Variants in DAP observed in about 807,000 individuals in gnomAD.
DAP encodes death-associated protein 1.
A neutral mutation model predicts 13.8 loss-of-function variants in DAP; 8 were observed. The ratio of observed to expected loss-of-function variants is 0.58; its 90% CI spans 0.34 to 1.05. DAP has a LOEUF of 1.05. Among genes scored for constraint, DAP ranks in the 50% least tolerant of loss-of-function variants. The pLI, the probability that DAP is intolerant of heterozygous loss-of-function variation, is 0.03. For synonymous variants in DAP, 47 were observed against 47.5 expected (o/e 0.99, Z 0.04); for missense variants, 106 against 133.2 (o/e 0.80, Z 1.01).
At chr5:10,741,890 A>G (rs1035035844) in intron 2 of DAP, among the ~76,000 whole-genome samples, 1 of 152,214 alleles carries the variant, frequency 6.6e-6, no homozygotes, top group Non-Finnish European at 1.5e-5. Flanking sequence ...TACTGTACAC[A>G]ATGTGCTTCT....
rs1159553722 is a variant in DAP, at chr5:10,679,475, T to A, written c.*1581A>T. On this transcript the variant is annotated 3_prime_UTR_variant, in exon 4 of 4. Transcript: ENST00000230895. ...GGCAGGGCAGGGGTCTGCACAGGCC[T>A]GACCTGGTGTTGCTGGAGCGCGGCA... The A allele has an allele frequency of 2.0e-5, 3 of 152,432 alleles. No individual in the cohort carries two copies. The highest frequency in any genetic ancestry group is 4.4e-5 in the Non-Finnish European group (3 of 68,098). The allele number at this position is 152,432 out of a possible 1,614,324, so 9.4% of individuals were successfully genotyped here.
chr5:10,726,647 T>C (rs1368929357), intron 2 of DAP, among the ~76,000 whole-genome samples: 2 of 152,228 alleles, frequency 1.3e-5, no homozygotes, highest in Non-Finnish European at 2.9e-5. Context: ...AGGCGAGTCA[T>C]ATCACCCTCC....
intron 2 of DAP, among the ~76,000 whole-genome samples, chr5:10,694,408 A>ACG (rs1398641313): frequency 3.9e-5 from 6 of 151,972 alleles, no homozygotes; most frequent in East Asian, 3.9e-4. Context: ...ACACACACAC[A>ACG]CGCACATACA....
At position 10,720,923 on chromosome 5, in the gene DAP, T is replaced by C. The variant is rs576319045; in HGVS notation, c.152+27252A>G. ...AGCCGTGGACTCGCGGAATGCCTTA[T>C]CCACTGTCATGGTATTCCAAACAGT... On this transcript the variant is annotated intron_variant, in intron 2 of 3. Coordinates refer to ENST00000230895, the MANE Select transcript of DAP (RefSeq NM_004394.3). Among the ~76,000 whole-genome samples, 4 of 152,338 alleles carry C rather than the reference T, an allele frequency of 2.6e-5. No homozygotes were observed. The South Asian group carries it at 8.3e-4, about 32-fold the overall frequency.
intron 2 of DAP, among the ~76,000 whole-genome samples, chr5:10,746,758 C>T (rs1449464499): frequency 6.6e-6 from 1 of 152,220 alleles, no homozygotes; most frequent in Admixed American, 6.5e-5. Context: ...ACCCAAAATG[C>T]TGTTCTTCCC....
chr5:10,734,203 C>G (rs1012218999), intron 2 of DAP: 23 of 152,326 alleles, frequency 1.5e-4, no homozygotes, highest in African/African-American at 5.3e-4. Context: ...TTCCCTCCTT[C>G]CATCAGATCA....
intron 2 of DAP, among the ~76,000 whole-genome samples, chr5:10,691,266 C>T (rs994522852): frequency 2.0e-5 from 3 of 152,238 alleles, no homozygotes; most frequent in Non-Finnish European, 2.9e-5. Flanking sequence ...TAACTTGTCC[C>T]GTGACAGAGC....
At chr5:10,702,431 G>A (rs1204697779) in intron 2 of DAP, among the ~76,000 whole-genome samples, 1 of 152,204 alleles carries the variant, frequency 6.6e-6, no homozygotes, top group Non-Finnish European at 1.5e-5. Context: ...CGACAATCTG[G>A]CTGAGCTGGA....
intron 2 of DAP, among the ~76,000 whole-genome samples, chr5:10,740,778 C>CA (rs1474162090): frequency 9.9e-5 from 15 of 152,258 alleles, no homozygotes; most frequent in African/African-American, 3.4e-4. Context: ...TTTACTATCA[C>CA]AAATATTTTC....
intron 2 of DAP, among the ~76,000 whole-genome samples, chr5:10,692,170 T>G (rs1379924642): frequency 1.3e-5 from 2 of 152,188 alleles, no homozygotes; most frequent in Admixed American, 6.5e-5. Context: ...ACAGCAACTA[T>G]TTAACTCAAT....
intron 2 of DAP, among the ~76,000 whole-genome samples, chr5:10,742,546 A>T (rs979795365): frequency 6.6e-6 from 1 of 152,222 alleles, no homozygotes; most frequent in South Asian, 2.1e-4. Flanking sequence ...AAACAAAAAA[A>T]TCTAATACTA....
At chr5:10,685,753 A>G (rs1381348353) in intron 2 of DAP, among the ~76,000 whole-genome samples, 8 of 152,238 alleles carry the variant, frequency 5.3e-5, no homozygotes, top group Admixed American at 4.6e-4. Flanking sequence ...GCGGAAATGC[A>G]GGACATCACC....
chr5:10,693,164 G>C (rs1188040994), intron 2 of DAP, among the ~76,000 whole-genome samples: 1 of 150,854 alleles, frequency 6.6e-6, no homozygotes, highest in African/African-American at 2.5e-5. Flanking sequence ...GTGCGTAGTA[G>C]TAGTGAAACT....
intron 2 of DAP, among the ~76,000 whole-genome samples, chr5:10,711,596 C>T (rs567573897): frequency 4.0e-4 from 61 of 152,206 alleles, no homozygotes; most frequent in Non-Finnish European, 5.1e-4. Context: ...ACTCTGACAG[C>T]GCTTCCTGTG....
Position 10,683,583 on chromosome 5 carries a change from G to A in DAP, c.153-12C>T. 5 of 1,613,628 alleles carry A rather than the reference G, an allele frequency of 3.1e-6. No individual in the cohort carries two copies. The highest frequency in any genetic ancestry group is 1.1e-5 in the South Asian group (1 of 91,064). On this transcript the variant is annotated splice_polypyrimidine_tract_variant and intron_variant, in intron 2 of 3. Transcript: ENST00000230895. ...TGGGTTTAGGTGGACTGGAAAAAAAGAAGGGAAAAGGCAGATTTAACAAAA... is the reference window on the plus strand; with the variant it reads ...TGGGTTTAGGTGGACTGGAAAAAAAAAAGGGAAAAGGCAGATTTAACAAAA...
intron 2 of DAP, among the ~76,000 whole-genome samples, chr5:10,745,464 G>C (rs1231178439): frequency 1.3e-5 from 2 of 152,102 alleles, no homozygotes; most frequent in African/African-American, 4.8e-5. Flanking sequence ...CAAAATATCT[G>C]GTTCTCTAGA....
intron 2 of DAP, among the ~76,000 whole-genome samples, chr5:10,717,625 T>G (rs1739024512): frequency 6.6e-6 from 1 of 152,196 alleles, no homozygotes; most frequent in South Asian, 2.1e-4. Context: ...CTGAGGCAGT[T>G]GCCAGGCAAG....
intron 1 of DAP, among the ~76,000 whole-genome samples, chr5:10,754,703 G>A (rs1360259299): frequency 6.6e-6 from 1 of 152,172 alleles, no homozygotes; most frequent in Admixed American, 6.5e-5. Flanking sequence ...GTGCAGGGAG[G>A]CTGATTCAAA....
At chr5:10,684,800 C>A (rs557655987) in intron 2 of DAP, among the ~76,000 whole-genome samples, 1 of 152,140 alleles carries the variant, frequency 6.6e-6, no homozygotes, top group African/African-American at 2.4e-5. Flanking sequence ...TTCCAAATGC[C>A]TCCACCAAGA....
Sources: gnomAD v4.1 joint callset for allele counts (sites outside exome capture counted in the v4.1 genomes callset) on GRCh38, gnomAD v4.1.1 for gene constraint, MANE v1.5 for transcripts, NCBI Gene and HGNC (gene_info 2026-07-23, HGNC 2026-07-21) for gene names.